KITLG: variants seen among roughly 807,000 people sequenced by gnomAD.
KITLG encodes the protein KIT ligand, also known as c-Kit ligand.
A neutral mutation model predicts 34.1 loss-of-function variants in KITLG; 13 were observed. The observed-to-expected ratio is 0.38, with a 90% CI of 0.25 to 0.61. The LOEUF (loss-of-function observed/expected upper bound fraction) is 0.61, where lower values mean the gene tolerates loss of function less well. Ranked by LOEUF, KITLG falls within the 20% of genes least tolerant of loss-of-function variation. The pLI is 0.60. For missense variants in KITLG, 292 were observed against 318.9 expected (o/e 0.92, Z 0.64); for synonymous variants, 110 against 104.0 (o/e 1.06, Z -0.35).
At chr12:88,529,013 AAC>A (rs1372016379) in intron 3 of KITLG, among the ~76,000 whole-genome samples, 1 of 152,216 alleles carries the variant, frequency 6.6e-6, no homozygotes, top group Non-Finnish European at 1.5e-5. Context: ...GAATGTTCCT[AAC>A]ACAAAGAAAT....
intron 1 of KITLG, among the ~76,000 whole-genome samples, chr12:88,578,273 A>G (rs1375784564): frequency 1.3e-5 from 2 of 152,132 alleles, no homozygotes; most frequent in African/African-American, 2.4e-5. Context: ...AAAACCTTGA[A>G]GGTCATTAGA....
At chr12:88,498,688 A>G (rs1868734781) in intron 9 of KITLG, among the ~76,000 whole-genome samples, 1 of 152,188 alleles carries the variant, frequency 6.6e-6, no homozygotes, top group Non-Finnish European at 1.5e-5. Flanking sequence ...CAGCCTGGCC[A>G]ACATGGTGAA....
chr12:88,537,556 C>T (rs983679347), intron 2 of KITLG, among the ~76,000 whole-genome samples: 3 of 151,914 alleles, frequency 2.0e-5, no homozygotes, highest in Admixed American at 2.0e-4. Context: ...ATCAATCATA[C>T]CCCAAACCTC....
At chr12:88,536,276 GC>G (rs1195548719) in intron 2 of KITLG, among the ~76,000 whole-genome samples, 1 of 152,066 alleles carries the variant, frequency 6.6e-6, no homozygotes, top group African/African-American at 2.4e-5. Flanking sequence ...TATGCAAGGG[GC>G]CAAGAAACAT....
At chr12:88,507,409 C>T (rs970570081) in intron 6 of KITLG, among the ~76,000 whole-genome samples, 1 of 152,202 alleles carries the variant, frequency 6.6e-6, no homozygotes, top group East Asian at 1.9e-4. Flanking sequence ...GGAACACAGA[C>T]TTAATATATT....
At chr12:88,524,223 T>C (rs1368898294) in intron 3 of KITLG, among the ~76,000 whole-genome samples, 1 of 152,350 alleles carries the variant, frequency 6.6e-6, no homozygotes, top group South Asian at 2.1e-4. Context: ...ATGCATTGAA[T>C]GTGACTGCAG....
chr12:88,536,003 T>C (rs1214476141), intron 2 of KITLG, among the ~76,000 whole-genome samples: 2 of 152,174 alleles, frequency 1.3e-5, no homozygotes, highest in Non-Finnish European at 2.9e-5. Flanking sequence ...GAATAATTTA[T>C]GACTAAGTCC....
intron 2 of KITLG, among the ~76,000 whole-genome samples, chr12:88,540,394 C>A (rs976586722): frequency 3.9e-5 from 6 of 152,036 alleles, no homozygotes; most frequent in Non-Finnish European, 5.9e-5. Flanking sequence ...GCTTTCTAAC[C>A]AATATACTGG....
chr12:88,508,045 G>C (rs1314416236), intron 6 of KITLG, among the ~76,000 whole-genome samples: 2 of 152,096 alleles, frequency 1.3e-5, no homozygotes, highest in Non-Finnish European at 2.9e-5. Context: ...AAATTAGCTG[G>C]GTGTGGTGGC....
At chr12:88,508,311 T>C (rs1226751316) in intron 6 of KITLG, among the ~76,000 whole-genome samples, 2 of 152,160 alleles carry the variant, frequency 1.3e-5, no homozygotes, top group Non-Finnish European at 2.9e-5. Context: ...CTATTTAACA[T>C]ACAAAGTACC....
At chr12:88,543,804 G>A (rs545693279) in intron 2 of KITLG, among the ~76,000 whole-genome samples, 68 of 151,906 alleles carry the variant, frequency 4.5e-4, no homozygotes, top group Non-Finnish European at 8.4e-4. Flanking sequence ...CATCTTCAAG[G>A]GTCTATCTTG....
intron 2 of KITLG, among the ~76,000 whole-genome samples, chr12:88,544,902 T>C (rs1870660660): frequency 6.6e-6 from 1 of 152,180 alleles, no homozygotes; most frequent in Admixed American, 6.5e-5. Context: ...TTTCATCCTT[T>C]TCTCCATATC....
At chr12:88,556,225 A>AT (rs1390524686) in intron 1 of KITLG, among the ~76,000 whole-genome samples, 1 of 151,772 alleles carries the variant, frequency 6.6e-6, no homozygotes, top group East Asian at 1.9e-4. Context: ...AAGCAAAAAA[A>AT]AAAAAAAAGG....
intron 1 of KITLG, among the ~76,000 whole-genome samples, chr12:88,552,176 ATTT>A (rs200666559): frequency 2.2e-5 from 3 of 137,306 alleles, no homozygotes. Flanking sequence ...AATTATGATA[ATTT>A]TTTTTTTTTT....
chr12:88,560,707 C>T (rs923536589), intron 1 of KITLG, among the ~76,000 whole-genome samples: 6 of 152,148 alleles, frequency 3.9e-5, no homozygotes, highest in Admixed American at 3.3e-4. Context: ...CTGTGGCTCA[C>T]GCCTGTAATC....
chr12:88,542,612 C>CT (rs373709402), intron 2 of KITLG, among the ~76,000 whole-genome samples: 6 of 152,066 alleles, frequency 3.9e-5, no homozygotes, highest in African/African-American at 1.4e-4. Flanking sequence ...CACTCCACTT[C>CT]TTTTCAAACA....
chr12:88,559,421 G>A (rs1200674231), intron 1 of KITLG, among the ~76,000 whole-genome samples: 2 of 152,180 alleles, frequency 1.3e-5, no homozygotes, highest in Admixed American at 6.5e-5. Context: ...CATATTTACA[G>A]ACTGTAGTGG....
chr12:88,547,099 A>C (rs994225891), intron 1 of KITLG, among the ~76,000 whole-genome samples: 1 of 152,186 alleles, frequency 6.6e-6, no homozygotes, highest in African/African-American at 2.4e-5. Context: ...AAATATGTGC[A>C]CATTCTTTTA....
chr12:88,542,797 TGTACC>T (rs1870568700), intron 2 of KITLG, among the ~76,000 whole-genome samples: 1 of 152,122 alleles, frequency 6.6e-6, no homozygotes, highest in Non-Finnish European at 1.5e-5. Flanking sequence ...CCCTTAGAGC[TGTACC>T]TTAAATAAGT....
Sources: gnomAD v4.1 joint callset for allele counts (sites outside exome capture counted in the v4.1 genomes callset) on GRCh38, gnomAD v4.1.1 for gene constraint, MANE v1.5 for transcripts, NCBI Gene and HGNC (gene_info 2026-07-23, HGNC 2026-07-21) for gene names.